GALNT9: variants seen among roughly 807,000 people sequenced by gnomAD.
GALNT9 encodes the protein GalNAc transferase 9.
GALNT9 carries 47 observed loss-of-function variants against 63.1 expected under a neutral mutation model. The ratio of observed to expected loss-of-function variants is 0.75; its 90% CI spans 0.59 to 0.95. The LOEUF is 0.95. GALNT9 is among the 40% of genes least tolerant of loss of function. The pLI is 0.00. For synonymous variants in GALNT9, 396 were observed against 365.7 expected (o/e 1.08, Z -0.94); for missense variants, 829 against 874.8 (o/e 0.95, Z 0.66).
At position 132,279,276 on chromosome 12, in the gene GALNT9, T is replaced by A. The variant is rs957154281; in HGVS notation, c.419+6974A>T. On this transcript the variant is annotated intron_variant, in intron 2 of 10. Coordinates refer to ENST00000328957, the MANE Select transcript of GALNT9 (RefSeq NM_001122636.2). This position sits in a 1 kb window ranked among gnomAD's most constrained non-coding sequence, Gnocchi z 4.1. ...CTGCTGGCTGTGACTGGGTCCCAGA[T>A]AAGCACGTGACCCACTATGGGCCAA... The A allele has an allele frequency of 1.3e-5, 2 of 152,274 alleles. No individual in the cohort carries two copies. The highest frequency in any genetic ancestry group is 2.9e-5 in the Non-Finnish European group (2 of 68,066). 9.4% of individuals were successfully genotyped at this position (152,274 alleles called of 1,614,324 possible).
At chr12:132,220,955 G>A (rs942983381) in intron 6 of GALNT9, among the ~76,000 whole-genome samples, 7 of 151,146 alleles carry the variant, frequency 4.6e-5, no homozygotes, top group African/African-American at 1.7e-4. Context: ...TACTCGGGAG[G>A]CTGAGGCAGG....
intron 6 of GALNT9, among the ~76,000 whole-genome samples, chr12:132,230,489 C>T (rs1468173120): frequency 2.6e-5 from 4 of 152,228 alleles, no homozygotes; most frequent in Admixed American, 1.3e-4. Flanking sequence ...ATAACCCACG[C>T]GGGCTGGGGA....
intron 1 of GALNT9, among the ~76,000 whole-genome samples, chr12:132,303,164 G>A (rs115249694): frequency 1.4e-4 from 22 of 152,110 alleles, no homozygotes; most frequent in East Asian, 9.7e-4. Context: ...GCCTTCACCC[G>A]GTAGTCCCCG....
At chr12:132,224,793 T>TAC (rs1229788707) in intron 6 of GALNT9, among the ~76,000 whole-genome samples, 2 of 94,906 alleles carry the variant, frequency 2.1e-5, no homozygotes, top group Admixed American at 1.1e-4. Flanking sequence ...ATACATCTCA[T>TAC]ACACACACCC....
At chr12:132,266,913 G>A (rs1268722245) in intron 2 of GALNT9, among the ~76,000 whole-genome samples, 1 of 152,124 alleles carries the variant, frequency 6.6e-6, no homozygotes, top group African/African-American at 2.4e-5. Flanking sequence ...CCCTAAACAG[G>A]CTCAGGGTCT....
chr12:132,243,446 G>A (rs2136905529), intron 6 of GALNT9, among the ~76,000 whole-genome samples: 2 of 151,222 alleles, frequency 1.3e-5, no homozygotes. Context: ...CTCTCTCTCT[G>A]GTGGGGGCCC....
At chr12:132,240,823 C>A in intron 6 of GALNT9, 1 of 411,352 alleles carries the variant, frequency 2.4e-6, no homozygotes, top group Non-Finnish European at 4.9e-6. Flanking sequence ...TTCCCAAGGC[C>A]GTCCCTATAC....
At chr12:132,317,008 G>A (rs1296907552) in intron 1 of GALNT9, among the ~76,000 whole-genome samples, 1 of 144,710 alleles carries the variant, frequency 6.9e-6, no homozygotes. Context: ...AGCACAGCCT[G>A]CACCCTACAC....
intron 8 of GALNT9, 113 bp from the exon 9 acceptor site, chr12:132,199,382 G>A: frequency 1.4e-6 from 1 of 739,912 alleles, no homozygotes; most frequent in South Asian, 1.7e-5. Flanking sequence ...GCGGGAGGAG[G>A]AGGGGGCGTG....
At chr12:132,216,571 AC>A (rs1288377550) in intron 6 of GALNT9, among the ~76,000 whole-genome samples, 4 of 152,210 alleles carry the variant, frequency 2.6e-5, no homozygotes, top group Non-Finnish European at 5.9e-5. Context: ...GGCAGGCGGC[AC>A]TGAGTGTCCC....
chr12:132,300,435 C>A (rs1555243736), intron 1 of GALNT9, among the ~76,000 whole-genome samples: 1 of 142,400 alleles, frequency 7.0e-6, no homozygotes, highest in African/African-American at 2.7e-5. Flanking sequence ...TAACGCACCC[C>A]TGAGATAACC....
At chr12:132,199,774 T>A (rs112382270) in intron 8 of GALNT9, among the ~76,000 whole-genome samples, 1,704 of 152,286 alleles carry the variant, frequency 0.011, 34 homozygotes, top group African/African-American at 0.038. Flanking sequence ...ACCTCCAGCC[T>A]CCAGAACAGG....
At chr12:132,300,291 G>C (rs1555243723) in intron 1 of GALNT9, among the ~76,000 whole-genome samples, 4 of 134,938 alleles carry the variant, frequency 3.0e-5, no homozygotes, top group East Asian at 2.3e-4. Context: ...ACCCACCCCT[G>C]AGATGACCAA....
At chr12:132,224,895 A>G (rs1236038172) in intron 6 of GALNT9, among the ~76,000 whole-genome samples, 8 of 139,446 alleles carry the variant, frequency 5.7e-5, no homozygotes, top group Admixed American at 5.7e-4. Context: ...CACAATCCAC[A>G]CTGCACACAC....
intron 1 of GALNT9, among the ~76,000 whole-genome samples, chr12:132,305,837 G>A (rs1881591521): frequency 6.6e-6 from 1 of 152,214 alleles, no homozygotes; most frequent in African/African-American, 2.4e-5. Context: ...TGCCAGGCCT[G>A]GGGTTTCCCT....
At chr12:132,241,521 C>G (rs1434558070) in intron 6 of GALNT9, among the ~76,000 whole-genome samples, 2 of 123,574 alleles carry the variant, frequency 1.6e-5, no homozygotes, top group Admixed American at 7.6e-5. Flanking sequence ...ATTACACACA[C>G]GCCACACCCC....
intron 6 of GALNT9, among the ~76,000 whole-genome samples, chr12:132,207,163 A>G (rs115061538): frequency 0.032 from 4,928 of 152,232 alleles, 254 homozygotes; most frequent in African/African-American, 0.11. Context: ...CTTGCCCCAT[A>G]GCTGGGCGTC....
chr12:132,314,703 A>G (rs28397145), intron 1 of GALNT9, among the ~76,000 whole-genome samples: 39,860 of 152,162 alleles, frequency 0.26, 5,519 homozygotes, highest in East Asian at 0.35. Flanking sequence ...GCAGCTGCTC[A>G]GGGCACTGGG....
In GALNT9 at chr12:132,199,899, G is replaced by A. The variant is rs149203651; in HGVS notation, c.1402-630C>T. 2.9e-3 allele frequency among the ~76,000 whole-genome samples: 446 copies of A among 152,322 alleles called. 1 individual carries two copies. The Middle Eastern group carries it at 0.054, about 19-fold the overall frequency. On this transcript the variant is annotated intron_variant, in intron 8 of 10. Transcript: ENST00000328957. ...TGTCCACCGCGTCTCCAGGCTGCTGGGTTTGCAGCAGCAGCTGACCCATCC... is the reference window on the plus strand; with the variant it reads ...TGTCCACCGCGTCTCCAGGCTGCTGAGTTTGCAGCAGCAGCTGACCCATCC...
Sources: gnomAD v4.1 joint callset for allele counts (sites outside exome capture counted in the v4.1 genomes callset) on GRCh38, gnomAD v4.1.1 for gene constraint, Gnocchi (gnomAD v3.1) non-coding constraint, MANE v1.5 for transcripts, NCBI Gene and HGNC (gene_info 2026-07-23, HGNC 2026-07-21) for gene names.